The following CEACAM5 variants were observed in gnomAD, a reference collection of about 807,000 sequenced individuals.
CEACAM5 encodes the protein CEA cell adhesion molecule 5.
CEACAM5 carries 52 observed loss-of-function variants against 63.0 expected under a neutral mutation model. The observed-to-expected ratio is 0.83, with a 90% CI of 0.66 to 1.04. The LOEUF (loss-of-function observed/expected upper bound fraction) is 1.04. Among genes scored for constraint, CEACAM5 ranks in the 50% least tolerant of loss-of-function variants. The probability of loss-of-function intolerance (pLI) is 0.00; values close to 1 mark genes in which losing one functional copy is unlikely to be tolerated. For missense variants in CEACAM5, 790 were observed against 864.8 expected, an observed-to-expected ratio of 0.91 and a Z score of 1.08; for synonymous variants, 357 against 351.3, an observed-to-expected ratio of 1.02 and a Z score of -0.18.
Position 41,718,233 on chromosome 19 carries a change from CT to C in CEACAM5, c.1345del (p.Trp449GlyfsTer2). On this transcript the variant is annotated frameshift_variant, in exon 6 of 10. Transcript: ENST00000221992. LOFTEE classifies it high-confidence loss of function. ...HAASNPPAQY[S>X]WLIDGNIQQH... Reference sequence around the variant, plus strand: ...GCCTCTAACCCACCTGCACAGTATTCTTGGCTGATTGATGGGAACATCCAGC... The same window carrying C: ...GCCTCTAACCCACCTGCACAGTATTCTGGCTGATTGATGGGAACATCCAGC... The C allele has an allele frequency of 6.2e-7, 1 of 1,614,194 alleles. No individual in the cohort carries two copies. The highest frequency in any genetic ancestry group is 8.5e-7 in the Non-Finnish European group (1 of 1,180,038).
chr19:41,726,108 G>T (rs528570350), intron 8 of CEACAM5, among the ~76,000 whole-genome samples: 1 of 152,150 alleles, frequency 6.6e-6, no homozygotes, highest in East Asian at 1.9e-4. Flanking sequence ...TGTAATATTC[G>T]ATTAAGCTTT....
chr19:41,712,795 G>A (rs1248604031), intron 2 of CEACAM5, among the ~76,000 whole-genome samples: 4 of 152,188 alleles, frequency 2.6e-5, no homozygotes, highest in African/African-American at 9.7e-5. Context: ...TTAGGCCATT[G>A]ATAAGAATTT....
rs55647539 is a variant in CEACAM5 at position 41,728,786 on chromosome 19, C to CAAAAAAAA, written c.*37-386_*37-379dup. ...TGGGCGACAGAGCAAGACTCCGTCT[C>CAAAAAAAA]AAAAAAAAAAAAAAAAAAAGAATTG... On this transcript the variant is annotated intron_variant, in intron 9 of 9. Transcript: ENST00000221992. Among the ~76,000 whole-genome samples the CAAAAAAAA allele has an allele frequency of 5.0e-3, 368 of 73,198 alleles. 11 individuals carry two copies. Among genetic ancestry groups the CAAAAAAAA allele is most frequent in the African/African-American group, 6.5e-3 (114 of 17,490 alleles). 48.0% of individuals were successfully genotyped at this position (73,198 alleles called of 152,430 possible).
chr19:41,709,021 C>G (rs1230934182), intron 1 of CEACAM5, among the ~76,000 whole-genome samples: 10 of 152,218 alleles, frequency 6.6e-5, no homozygotes, highest in Admixed American at 6.5e-4. Flanking sequence ...CTGGCCACTA[C>G]GTTTTTAAAA....
chr19:41,713,614 T>G (rs2072471344), intron 2 of CEACAM5, among the ~76,000 whole-genome samples: 1 of 152,240 alleles, frequency 6.6e-6, no homozygotes, highest in South Asian at 2.1e-4. Context: ...ACCACCATTC[T>G]ACTCTCTGAT....
chr19:41,725,599 C>A (rs2072689781), intron 8 of CEACAM5, among the ~76,000 whole-genome samples: 1 of 152,114 alleles, frequency 6.6e-6, no homozygotes, highest in Non-Finnish European at 1.5e-5. Context: ...TCTTGACCTC[C>A]TGACCTCAAG....
intron 9 of CEACAM5, among the ~76,000 whole-genome samples, chr19:41,728,374 G>T (rs2072727437): frequency 6.6e-6 from 1 of 152,140 alleles, no homozygotes; most frequent in Non-Finnish European, 1.5e-5. Flanking sequence ...TGGGACCCAG[G>T]CATTCGTAAT....
chr19:41,714,838 AC>A, intron 2 of CEACAM5, 132 bp from the exon 3 acceptor site: 1 of 1,496,044 alleles, frequency 6.7e-7, no homozygotes, highest in East Asian at 2.3e-5. Flanking sequence ...CTGTCTTGTG[AC>A]ACATGCACCC....
chr19:41,719,087 T>C (rs1011222358), intron 6 of CEACAM5, among the ~76,000 whole-genome samples: 8 of 152,132 alleles, frequency 5.3e-5, no homozygotes, highest in Non-Finnish European at 8.8e-5. Context: ...CTGTATGAGA[T>C]TGTGGGCACA....
chr19:41,721,245 CAAG>C, intron 8 of CEACAM5, 69 bp downstream of exon 8: 1 of 1,541,032 alleles, frequency 6.5e-7, no homozygotes, highest in South Asian at 1.1e-5. Flanking sequence ...ACCAAAGAGC[CAAG>C]AAGACATTTT....
Position 41,730,132 on chromosome 19 carries a change from C to CTG in CEACAM5, c.*990_*991dup, listed in dbSNP as rs2072750506. ...TCCAGCAAAGCAACTTTAAAAAAGT[C>CTG]TGTGTGGGCCGGGCGCGGTGGCTCA... On this transcript the variant is annotated 3_prime_UTR_variant, in exon 10 of 10. Coordinates refer to ENST00000221992, the MANE Select transcript of CEACAM5 (RefSeq NM_004363.6). Among the ~76,000 whole-genome samples, 1 of 152,140 alleles carries CTG rather than the reference C, an allele frequency of 6.6e-6. No homozygotes were observed. The highest frequency in any genetic ancestry group is 1.5e-5 in the Non-Finnish European group (1 of 68,012).
In CEACAM5 at chr19:41,717,606, G is replaced by A. The variant is rs782782598; in HGVS notation, c.1110G>A (p.Gln370=). 3.1e-6 allele frequency: 5 copies of A among 1,614,118 alleles called. No individual in the cohort carries two copies. The highest frequency in any genetic ancestry group is 3.4e-6 in the Non-Finnish European group (4 of 1,180,048). The change falls in exon 5 of 10, where the codon CAG becomes CAA. Residue 370 remains glutamine, a synonymous_variant. Coordinates refer to ENST00000221992, the MANE Select transcript of CEACAM5 (RefSeq NM_004363.6). The part of the protein sequence containing the change: ...NQSLPVSPRL[Q]LSNDNRTLTL... ...GCCTCCCGGTCAGTCCCAGGCTGCA[G>A]CTGTCCAATGACAACAGGACCCTCA...
At chr19:41,710,466 C>A (rs1322021594) in intron 2 of CEACAM5, among the ~76,000 whole-genome samples, 4 of 152,180 alleles carry the variant, frequency 2.6e-5, no homozygotes, top group African/African-American at 9.7e-5. Flanking sequence ...TGTGTTGTGG[C>A]CTCCTGGGCA....
chr19:41,726,856 C>G (rs2072707814), intron 8 of CEACAM5, among the ~76,000 whole-genome samples: 1 of 152,202 alleles, frequency 6.6e-6, no homozygotes, highest in African/African-American at 2.4e-5. Flanking sequence ...CCTGGGCCTT[C>G]TGCCAATCAA....
chr19:41,715,819 G>A lies in CEACAM5; in HGVS notation c.873G>A (p.Val291=). ...AGCTCTTTATCCCCAACATCACTGTGAATAATAGTGGATCCTATACGTGCC... is the reference window on the plus strand; with the variant it reads ...AGCTCTTTATCCCCAACATCACTGTAAATAATAGTGGATCCTATACGTGCC... ...TQELFIPNIT[V]NNSGSYTCQA... Residue 291 remains valine, a synonymous_variant, in exon 4 of 10, where the codon GTG becomes GTA. Transcript: ENST00000221992. The A allele has an allele frequency of 6.2e-7, 1 of 1,614,142 alleles. No individual in the cohort carries two copies. Among genetic ancestry groups the A allele is most frequent in the Non-Finnish European group, 8.5e-7 (1 of 1,180,006 alleles).
At chr19:41,720,858 T>C in intron 7 of CEACAM5, 64 bp from the exon 8 acceptor site, 1 of 1,589,122 alleles carries the variant, frequency 6.3e-7, no homozygotes, top group Non-Finnish European at 8.6e-7. Flanking sequence ...GTGGCCCTTC[T>C]ACAATCAGGA....
At chr19:41,716,353 G>C (rs1247688024) in intron 4 of CEACAM5, among the ~76,000 whole-genome samples, 1 of 152,246 alleles carries the variant, frequency 6.6e-6, no homozygotes, top group Non-Finnish European at 1.5e-5. Context: ...GGGTGAGGGA[G>C]ACACAGCTCA....
At chr19:41,715,300 G>A (rs782788457) in intron 3 of CEACAM5, 51 bp downstream of exon 3, 10 of 1,611,844 alleles carry the variant, frequency 6.2e-6, no homozygotes, top group Admixed American at 1.7e-5. Context: ...AAATCCACAG[G>A]GCCAGAGGCA....
In CEACAM5 at chr19:41,718,147, C is replaced by A; in HGVS notation, c.1257C>A (p.Thr419=). The A allele has an allele frequency of 6.2e-7, 1 of 1,614,204 alleles. No individual in the cohort carries two copies. The change falls in exon 6 of 10, where the codon ACC becomes ACA. Residue 419 remains threonine, a synonymous_variant. Transcript: ENST00000221992. ...CTCCAGATGGCCCAGACGACCCCACCATTTCCCCCTCATACACCTATTACC... is the reference window on the plus strand; with the variant it reads ...CTCCAGATGGCCCAGACGACCCCACAATTTCCCCCTCATACACCTATTACC... ...LNVLYGPDDP[T]ISPSYTYYRP... is the part of the protein sequence containing the mutation.
Sources: allele counts gnomAD v4.1 joint callset (sites outside exome capture counted in the v4.1 genomes callset), GRCh38; gene constraint gnomAD v4.1.1; transcripts MANE v1.5; gene names NCBI Gene and HGNC (gene_info 2026-07-23, HGNC 2026-07-21).